The following PIK3R6 variants were observed in gnomAD, a reference collection of about 807,000 sequenced individuals.
The protein encoded by PIK3R6 is phosphoinositide 3-kinase regulatory subunit 6.
In PIK3R6, 91 loss-of-function variants were observed where a neutral mutation model predicts 84.9. The observed-to-expected ratio is 1.07, with a 90% CI of 0.90 to 1.28. PIK3R6 has a LOEUF of 1.28. Among genes scored for constraint, PIK3R6 ranks in the 50% most tolerant of loss-of-function variants. The probability of loss-of-function intolerance (pLI) is 0.00; values close to 1 mark genes in which losing one functional copy is unlikely to be tolerated. For missense variants in PIK3R6, 996 were observed against 985.1 expected, an observed-to-expected ratio of 1.01 and a Z score of -0.15; for synonymous variants, 416 against 411.4, an observed-to-expected ratio of 1.01 and a Z score of -0.13.
chr17:8,817,974 G>A (rs1335918553), intron 18 of PIK3R6, among the ~76,000 whole-genome samples: 31 of 151,606 alleles, frequency 2.0e-4, no homozygotes, highest in East Asian at 7.8e-4. Flanking sequence ...TAGGCTAAGC[G>A]GAAGGAGCAG....
chr17:8,818,888 C>G (rs1438216095), intron 18 of PIK3R6, among the ~76,000 whole-genome samples, 195 bp downstream of exon 18: 1 of 152,158 alleles, frequency 6.6e-6, no homozygotes, highest in African/African-American at 2.4e-5. Flanking sequence ...TTCCTTATAC[C>G]AGTGGGCACT....
At chr17:8,857,881 C>T (rs982325426) in intron 1 of PIK3R6, among the ~76,000 whole-genome samples, 1 of 115,694 alleles carries the variant, frequency 8.6e-6, no homozygotes, top group African/African-American at 3.3e-5. Context: ...GCCTGGGCAA[C>T]AAGAGTGAAA....
rs943092307 is a variant in PIK3R6, at chr17:8,804,551, C to T, written c.1996-398G>A. Among the ~76,000 whole-genome samples, 6 of 152,114 alleles carry T rather than the reference C, an allele frequency of 3.9e-5. No individual in the cohort carries two copies. In the South Asian group the frequency reaches 6.2e-4, roughly 16 times the overall value. ...TCAGGGGTTTTAAAAGTCTTGACCC[C>T]GGTTCTCAGCATTAAATCACATACA... On this transcript the variant is annotated intron_variant, in intron 18 of 19. Transcript: ENST00000619866.
chr17:8,849,416 A>G (rs1241305151), intron 2 of PIK3R6, among the ~76,000 whole-genome samples: 2 of 152,238 alleles, frequency 1.3e-5, no homozygotes, highest in African/African-American at 4.8e-5. Flanking sequence ...TACCTGTCTT[A>G]GGAGGTTAAC....
intron 18 of PIK3R6, among the ~76,000 whole-genome samples, chr17:8,817,486 A>G (rs1052776340): frequency 9.2e-5 from 14 of 152,162 alleles, no homozygotes; most frequent in African/African-American, 3.1e-4. Flanking sequence ...TACTAAAAAT[A>G]CAAAAATTAG....
At chr17:8,848,213 T>C (rs959212319) in intron 2 of PIK3R6, among the ~76,000 whole-genome samples, 2 of 152,236 alleles carry the variant, frequency 1.3e-5, no homozygotes, top group Admixed American at 6.5e-5. Context: ...CCTTTGATGC[T>C]TGGCCACATT....
At chr17:8,854,774 T>C (rs148303825) in intron 1 of PIK3R6, among the ~76,000 whole-genome samples, 8 of 152,240 alleles carry the variant, frequency 5.3e-5, no homozygotes, top group Non-Finnish European at 2.9e-5. Context: ...AAAATCCTTG[T>C]AACCTCATGT....
intron 12 of PIK3R6, among the ~76,000 whole-genome samples, chr17:8,827,703 T>G (rs1274777587): frequency 1.3e-4 from 16 of 126,756 alleles, no homozygotes; most frequent in Admixed American, 2.7e-4. Flanking sequence ...AAGTGTGGGG[T>G]GTGTGTGTAT....
chr17:8,829,072 G>T, intron 10 of PIK3R6, 82 bp from the exon 11 acceptor site: 1 of 1,293,222 alleles, frequency 7.7e-7, no homozygotes. Context: ...CTCTTCAGAG[G>T]ATACACACAC....
chr17:8,857,690 AG>A (rs916043903), intron 1 of PIK3R6, among the ~76,000 whole-genome samples: 5 of 152,154 alleles, frequency 3.3e-5, no homozygotes, highest in African/African-American at 1.2e-4. Flanking sequence ...TCACAAGATC[AG>A]GGATCGAGAC....
chr17:8,808,303 T>C (rs73973221), intron 18 of PIK3R6, among the ~76,000 whole-genome samples: 3,841 of 152,316 alleles, frequency 0.025, 157 homozygotes, highest in African/African-American at 0.085. Context: ...AATGTTATTA[T>C]AGCTGTCCCT....
rs992174174 is a variant in PIK3R6, at chr17:8,839,219, A to C, written c.97+395T>G. On this transcript the variant is annotated intron_variant, in intron 3 of 19. Coordinates refer to ENST00000619866, the MANE Select transcript of PIK3R6 (RefSeq NM_001010855.4). This position sits in a 1 kb window ranked among gnomAD's most constrained non-coding sequence, Gnocchi z 4.2. ...AAAAATTAGCAGGGCATGGTGGCACACGCCTGTAATCTCAGCTACTTGGGA... is the reference window on the plus strand; with the variant it reads ...AAAAATTAGCAGGGCATGGTGGCACCCGCCTGTAATCTCAGCTACTTGGGA... Among the ~76,000 whole-genome samples the C allele has an allele frequency of 2.0e-5, 3 of 152,122 alleles. No individual in the cohort carries two copies. The highest frequency in any genetic ancestry group is 4.4e-5 in the Non-Finnish European group (3 of 68,022).
intron 1 of PIK3R6, among the ~76,000 whole-genome samples, chr17:8,864,529 C>CTT (rs35714531): frequency 0.011 from 695 of 65,596 alleles, 120 homozygotes; most frequent in Middle Eastern, 0.024. Context: ...CTTCACAGCT[C>CTT]TTTTTTTTTT....
Position 8,836,844 on chromosome 17 carries a change from C to A in PIK3R6, c.338G>T (p.Cys113Phe). 1 of 1,592,044 alleles carries A rather than the reference C, an allele frequency of 6.3e-7. No individual in the cohort carries two copies. The highest frequency in any genetic ancestry group is 8.6e-7 in the Non-Finnish European group (1 of 1,169,052). ...TRLLTLPTPYCTVALDCAIRL... is the reference protein window; with the variant it reads ...TRLLTLPTPYFTVALDCAIRL... ...TATCGCGCAGTCCAAGGCGACTGTG[C>A]AGTAGGGGGTGGGCAGGGTCAGTAA... The change falls in exon 6 of 20, where the codon TGC becomes TTC. Residue 113 changes from cysteine to phenylalanine, a missense_variant. Transcript: ENST00000619866.
Position 8,867,657 on chromosome 17 carries a change from T to C in PIK3R6, c.-220A>G, listed in dbSNP as rs754056432. Reference sequence around the variant, plus strand: ...CTCCACGGGTGTCTGTGGTCTTGACTGTGCTCTTCAGATCTGCAAAGAAAA... The same window carrying C: ...CTCCACGGGTGTCTGTGGTCTTGACCGTGCTCTTCAGATCTGCAAAGAAAA... On this transcript the variant is annotated 5_prime_UTR_variant, in exon 1 of 20. Coordinates refer to ENST00000619866, the MANE Select transcript of PIK3R6 (RefSeq NM_001010855.4). The C allele has an allele frequency of 2.1e-6, 1 of 465,294 alleles. No individual in the cohort carries two copies. Among genetic ancestry groups the C allele is most frequent in the Non-Finnish European group, 4.4e-6 (1 of 229,094 alleles). 28.8% of individuals were successfully genotyped at this position (465,294 alleles called of 1,614,324 possible).
intron 18 of PIK3R6, among the ~76,000 whole-genome samples, chr17:8,809,240 C>G (rs1055485933): frequency 2.0e-5 from 3 of 152,126 alleles, no homozygotes; most frequent in Admixed American, 1.3e-4. Flanking sequence ...ATTTACCAGA[C>G]AAGCAAACAC....
intron 17 of PIK3R6, among the ~76,000 whole-genome samples, chr17:8,820,937 G>C (rs2087713412): frequency 6.6e-6 from 1 of 152,148 alleles, no homozygotes; most frequent in Non-Finnish European, 1.5e-5. Context: ...ATTTCTTCTG[G>C]AATATTCCAA....
At chr17:8,830,174 A>G (rs931024080) in intron 9 of PIK3R6, among the ~76,000 whole-genome samples, 2 of 152,162 alleles carry the variant, frequency 1.3e-5, no homozygotes, top group African/African-American at 4.8e-5. Context: ...CGAGGCAGGA[A>G]AGACCCCTGC....
rs2087343947 is a variant in PIK3R6 at position 8,811,098 on chromosome 17, G to T, written c.1996-6945C>A. Reference sequence around the variant, plus strand: ...TATATCCTCTGAAATCTAGATGGAGGTTCTCAAACCCTAATTCTTGACTTC... The same window carrying T: ...TATATCCTCTGAAATCTAGATGGAGTTTCTCAAACCCTAATTCTTGACTTC... On this transcript the variant is annotated intron_variant, in intron 18 of 19. Transcript: ENST00000619866. Among the ~76,000 whole-genome samples, 2 of 148,866 alleles carry T rather than the reference G, an allele frequency of 1.3e-5. 1 individual carries two copies. Among genetic ancestry groups the T allele is most frequent in the African/African-American group, 5.0e-5 (2 of 39,988 alleles).
Sources: gnomAD v4.1 joint callset for allele counts (sites outside exome capture counted in the v4.1 genomes callset) on GRCh38, gnomAD v4.1.1 for gene constraint, Gnocchi (gnomAD v3.1) non-coding constraint, MANE v1.5 for transcripts, NCBI Gene and HGNC (gene_info 2026-07-23, HGNC 2026-07-21) for gene names.